CAST: variants seen among roughly 807,000 people sequenced by gnomAD.
CAST encodes MIR583 host.
A neutral mutation model predicts 119.6 loss-of-function variants in CAST; 76 were observed. The ratio of observed to expected loss-of-function variants is 0.64; its 90% CI spans 0.53 to 0.77. CAST has a LOEUF of 0.77. Ranked by LOEUF, CAST falls within the 30% of genes least tolerant of loss-of-function variation. The probability of loss-of-function intolerance (pLI) is 0.00; values close to 1 mark genes in which losing one functional copy is unlikely to be tolerated. For synonymous variants in CAST, 319 were observed against 331.6 expected, an observed-to-expected ratio of 0.96 and a Z score of 0.41; for missense variants, 953 against 946.5, an observed-to-expected ratio of 1.01 and a Z score of -0.09.
the CAST span, chr5:96,079,200 C>T: frequency 2.3e-6 from 1 of 441,116 alleles, no homozygotes; most frequent in South Asian, 1.7e-5. Context: ...GTACTGGGAC[C>T]TACCTCTTTG....
chr5:96,083,818 A>T, the CAST span, among the ~76,000 whole-genome samples: 1,028 of 152,224 alleles, frequency 6.8e-3, 9 homozygotes, highest in South Asian at 0.032. Flanking sequence ...CTTCCCTTTA[A>T]TTGCCCACGC....
chr5:96,006,379 C>CAA, the CAST span, among the ~76,000 whole-genome samples: 1,502 of 146,046 alleles, frequency 0.01, 13 homozygotes, highest in African/African-American at 0.026. Flanking sequence ...AGAAAAATCG[C>CAA]AAAAAAAAAA....
the CAST span, among the ~76,000 whole-genome samples, chr5:96,195,106 T>G: frequency 6.6e-6 from 1 of 152,202 alleles, no homozygotes; most frequent in Non-Finnish European, 1.5e-5. Flanking sequence ...TAGACCTATT[T>G]GAAGAAGTTG....
At position 96,771,720 on chromosome 5, in the gene CAST, T is replaced by G. The variant is rs1301115776; in HGVS notation, c.*23+18T>G. The G allele has an allele frequency of 2.0e-6, 3 of 1,528,236 alleles. No individual in the cohort carries two copies. Among genetic ancestry groups the G allele is most frequent in the Non-Finnish European group, 2.7e-6 (3 of 1,104,404 alleles). 94.7% of individuals were successfully genotyped at this position (1,528,236 alleles called of 1,614,324 possible). On this transcript the variant is annotated intron_variant, in intron 31 of 31. Transcript: ENST00000675179. ...GGTATCTGGTAAGTTGGGTGTTTAT[T>G]TGTAAATGAAGACAACTGTATCTTC...
chr5:96,347,243 C>T, the CAST span, among the ~76,000 whole-genome samples: 3 of 152,182 alleles, frequency 2.0e-5, no homozygotes, highest in Non-Finnish European at 4.4e-5. Flanking sequence ...TGAATACTCC[C>T]TAATGGACAT....
At chr5:96,633,364 A>T (rs1363798322) in intron 1 of CAST, among the ~76,000 whole-genome samples, 1 of 152,236 alleles carries the variant, frequency 6.6e-6, no homozygotes, top group Non-Finnish European at 1.5e-5. Flanking sequence ...CCATGTATTT[A>T]GGTCTTCTTT....
chr5:96,072,264 G>A, the CAST span, among the ~76,000 whole-genome samples: 1 of 152,066 alleles, frequency 6.6e-6, no homozygotes, highest in African/African-American at 2.4e-5. Flanking sequence ...TACTCTTCAG[G>A]GAGTAAGGGG....
intron 1 of CAST, among the ~76,000 whole-genome samples, chr5:96,617,633 C>G (rs1163412980): frequency 6.7e-6 from 1 of 149,218 alleles, no homozygotes; most frequent in African/African-American, 2.5e-5. Flanking sequence ...ACTAAAAATA[C>G]AAAAAAAAAT....
chr5:96,190,585 T>A, the CAST span, among the ~76,000 whole-genome samples: 22,514 of 152,138 alleles, frequency 0.15, 2,615 homozygotes, highest in African/African-American at 0.31. Flanking sequence ...TTCATCTCTC[T>A]TCTTTTTGCT....
At chr5:95,987,805 A>G in the CAST span, among the ~76,000 whole-genome samples, 1 of 152,228 alleles carries the variant, frequency 6.6e-6, no homozygotes, top group Non-Finnish European at 1.5e-5. Context: ...GATAGCCATT[A>G]GCTATACGTG....
At chr5:96,549,240 C>T (rs192108738) in intron 1 of CAST, among the ~76,000 whole-genome samples, 89 of 152,158 alleles carry the variant, frequency 5.8e-4, no homozygotes, top group African/African-American at 2.0e-3. Context: ...ACCAAAATTT[C>T]GAAATAGACT....
At chr5:96,580,758 G>T (rs889847299) in intron 1 of CAST, among the ~76,000 whole-genome samples, 1 of 152,200 alleles carries the variant, frequency 6.6e-6, no homozygotes, top group Non-Finnish European at 1.5e-5. Flanking sequence ...AATTTGTTCA[G>T]AAAAGGCAAG....
chr5:96,597,737 G>A (rs936614935), intron 1 of CAST, among the ~76,000 whole-genome samples: 2 of 151,900 alleles, frequency 1.3e-5, no homozygotes, highest in African/African-American at 2.4e-5. Flanking sequence ...AATAATTATC[G>A]TGTCTCCTCT....
At chr5:95,995,711 T>C in the CAST span, among the ~76,000 whole-genome samples, 1 of 152,056 alleles carries the variant, frequency 6.6e-6, no homozygotes, top group African/African-American at 2.4e-5. Context: ...CATTTACGTA[T>C]GATAAAGGGG....
chr5:96,766,762 AG>A (rs1243648636), intron 27 of CAST, among the ~76,000 whole-genome samples: 9 of 152,206 alleles, frequency 5.9e-5, no homozygotes, highest in Non-Finnish European at 1.3e-4. Flanking sequence ...TGAGTCAATT[AG>A]ATGATAAATA....
chr5:96,662,404 C>A lies in CAST; in HGVS notation c.-19C>A. ...CTCCGCGGCGCATTCCGGGAGGCAGCGGCCGCAGCGGCCTCGCCATGTCCC... is the reference window on the plus strand; with the variant it reads ...CTCCGCGGCGCATTCCGGGAGGCAGAGGCCGCAGCGGCCTCGCCATGTCCC... On this transcript the variant is annotated 5_prime_UTR_variant, in exon 1 of 32. Coordinates refer to ENST00000675179, the MANE Select transcript of CAST (RefSeq NM_001750.7). The A allele has an allele frequency of 7.0e-7, 1 of 1,422,272 alleles. No individual in the cohort carries two copies. Among genetic ancestry groups the A allele is most frequent in the Non-Finnish European group, 9.2e-7 (1 of 1,090,706 alleles). The allele number at this position is 1,422,272 out of a possible 1,614,324, so 88.1% of individuals were successfully genotyped here.
the CAST span, among the ~76,000 whole-genome samples, chr5:96,509,163 T>C: frequency 6.6e-6 from 1 of 152,214 alleles, no homozygotes; most frequent in Non-Finnish European, 1.5e-5. Flanking sequence ...ATAATCTCTG[T>C]CACACATCGT....
the CAST span, among the ~76,000 whole-genome samples, chr5:96,436,865 C>T: frequency 2.0e-5 from 3 of 152,206 alleles, no homozygotes; most frequent in Non-Finnish European, 4.4e-5. Context: ...ATGATATCTC[C>T]TCCCGTGACC....
the CAST span, among the ~76,000 whole-genome samples, chr5:96,425,060 GAAAGAA>G: frequency 2.4e-4 from 30 of 126,610 alleles, no homozygotes; most frequent in African/African-American, 6.5e-4. Flanking sequence ...AAGAAAGAAA[GAAAGAA>G]AGAAAGAAAA....
Sources: allele counts gnomAD v4.1 joint callset (sites outside exome capture counted in the v4.1 genomes callset), GRCh38; gene constraint gnomAD v4.1.1; transcripts MANE v1.5; gene names NCBI Gene and HGNC (gene_info 2026-07-23, HGNC 2026-07-21).